The following RHBDD1 variants were observed in gnomAD, a reference collection of about 807,000 sequenced individuals.
RHBDD1 encodes the protein rhomboid domain containing 1, also known as rhomboid-related protein 4.
RHBDD1 carries 38 observed loss-of-function variants against 36.3 expected under a neutral mutation model. The ratio of observed to expected loss-of-function variants is 1.05; its 90% CI spans 0.81 to 1.37. The LOEUF is 1.37. Among genes scored for constraint, RHBDD1 ranks in the 40% most tolerant of loss-of-function variants. The probability of loss-of-function intolerance (pLI) is 0.00; values close to 1 mark genes in which losing one functional copy is unlikely to be tolerated. For synonymous variants in RHBDD1, 151 were observed against 136.5 expected, an observed-to-expected ratio of 1.11 and a Z score of -0.74; for missense variants, 393 against 377.6, an observed-to-expected ratio of 1.04 and a Z score of -0.34.
At chr2:226,810,689 A>G in the RHBDD1 span, among the ~76,000 whole-genome samples, 1 of 152,168 alleles carries the variant, frequency 6.6e-6, no homozygotes, top group South Asian at 2.1e-4. Context: ...AGGGGGAAGA[A>G]GAAGAGGGCT....
At chr2:226,837,661 C>T (rs1416129014) in intron 1 of RHBDD1, 1 of 152,164 alleles carries the variant, frequency 6.6e-6, no homozygotes, top group Non-Finnish European at 1.5e-5. Flanking sequence ...CTCAGCTTCC[C>T]AGGTAGCTGG....
At chr2:226,904,977 C>A (rs2125626646) in intron 5 of RHBDD1, among the ~76,000 whole-genome samples, 1 of 152,204 alleles carries the variant, frequency 6.6e-6, no homozygotes, top group South Asian at 2.1e-4. Context: ...ATTTACTCAA[C>A]ATATCCTTGA....
chr2:226,837,427 A>G (rs565392865), intron 1 of RHBDD1: 9 of 152,270 alleles, frequency 5.9e-5, no homozygotes, highest in African/African-American at 2.2e-4. Flanking sequence ...GATGCAGGAT[A>G]TTCAGTTAAA....
chr2:226,949,194 T>C (rs549189563), intron 8 of RHBDD1, among the ~76,000 whole-genome samples: 4 of 152,330 alleles, frequency 2.6e-5, no homozygotes, highest in Admixed American at 6.5e-5. Flanking sequence ...AAAATGGCCA[T>C]ACTGCCCAAA....
chr2:226,963,485 A>G (rs1449250008), intron 8 of RHBDD1, among the ~76,000 whole-genome samples: 5 of 152,136 alleles, frequency 3.3e-5, no homozygotes, highest in Non-Finnish European at 7.4e-5. Context: ...TAACATTTGA[A>G]GTTTTGACTA....
At chr2:226,948,389 G>C (rs1403745392) in intron 8 of RHBDD1, among the ~76,000 whole-genome samples, 6 of 144,314 alleles carry the variant, frequency 4.2e-5, no homozygotes, top group African/African-American at 1.5e-4. Context: ...GACACAGGAA[G>C]GGGAATATCA....
At chr2:226,913,340 G>GA (rs539023927) in intron 7 of RHBDD1, among the ~76,000 whole-genome samples, 9 of 152,234 alleles carry the variant, frequency 5.9e-5, no homozygotes, top group African/African-American at 1.9e-4. Context: ...GGAAAGAAGA[G>GA]AAAAAATCAA....
chr2:226,895,409 C>G (rs775528234), intron 5 of RHBDD1, among the ~76,000 whole-genome samples: 8 of 152,050 alleles, frequency 5.3e-5, no homozygotes, highest in Non-Finnish European at 1.2e-4. Context: ...AGGGGTGTTG[C>G]AGAGAAGATG....
At chr2:226,814,558 T>C in the RHBDD1 span, among the ~76,000 whole-genome samples, 4 of 152,140 alleles carry the variant, frequency 2.6e-5, no homozygotes, top group Non-Finnish European at 5.9e-5. Flanking sequence ...GTTAGGAGTC[T>C]GTTTCAATAG....
At chr2:226,867,377 A>T in intron 5 of RHBDD1, 59 bp downstream of exon 5, 1 of 1,539,110 alleles carries the variant, frequency 6.5e-7, no homozygotes, top group South Asian at 1.2e-5. Context: ...GGAGAAAAAA[A>T]TTGCAATAAT....
At chr2:226,835,786 T>C (rs1001072144), upstream of RHBDD1, 2 of 152,296 alleles carry the variant, frequency 1.3e-5, no homozygotes, top group Non-Finnish European at 2.9e-5. Flanking sequence ...AGGAATATTA[T>C]CCACATTTCA....
chr2:226,937,538 C>G (rs562882897), intron 8 of RHBDD1, among the ~76,000 whole-genome samples: 2 of 152,016 alleles, frequency 1.3e-5, no homozygotes, highest in East Asian at 3.9e-4. Context: ...ATTTTACCAC[C>G]CAGGTATTAA....
At chr2:226,924,448 T>G (rs558571046) in intron 8 of RHBDD1, among the ~76,000 whole-genome samples, 2 of 152,246 alleles carry the variant, frequency 1.3e-5, no homozygotes, top group South Asian at 4.1e-4. Flanking sequence ...AATAGTCTCT[T>G]CCAGAGCTGC....
intron 5 of RHBDD1, among the ~76,000 whole-genome samples, chr2:226,892,176 C>G (rs556337719): frequency 1.8e-4 from 27 of 152,348 alleles, no homozygotes; most frequent in African/African-American, 6.0e-4. Context: ...CATTTCTATG[C>G]TGTTTGTTTA....
intron 3 of RHBDD1, among the ~76,000 whole-genome samples, chr2:226,845,977 G>A (rs1259032047): frequency 1.3e-5 from 2 of 152,220 alleles, no homozygotes; most frequent in Non-Finnish European, 1.5e-5. Context: ...CTGTCTGAAA[G>A]TGAAACATGC....
intron 4 of RHBDD1, among the ~76,000 whole-genome samples, chr2:226,866,080 A>AT (rs914586031): frequency 1.5e-4 from 21 of 137,380 alleles, no homozygotes; most frequent in Non-Finnish European, 2.6e-4. Context: ...TTATTTATTT[A>AT]TTTTTTTTGA....
chr2:226,868,977 T>A (rs1944563327), intron 5 of RHBDD1, among the ~76,000 whole-genome samples: 1 of 152,256 alleles, frequency 6.6e-6, no homozygotes, highest in South Asian at 2.1e-4. Flanking sequence ...GTTCTCTGTG[T>A]CAATGATAGG....
the RHBDD1 span, among the ~76,000 whole-genome samples, chr2:226,809,213 T>G: frequency 6.6e-6 from 1 of 152,180 alleles, no homozygotes; most frequent in Non-Finnish European, 1.5e-5. Flanking sequence ...CCAGTAAAGT[T>G]GCTCTCTTTT....
chr2:226,892,087 C>T (rs1309896731), intron 5 of RHBDD1, among the ~76,000 whole-genome samples: 1 of 152,182 alleles, frequency 6.6e-6, no homozygotes, highest in African/African-American at 2.4e-5. Context: ...GACTTTTGTT[C>T]ACAAATGTTC....
Sources: allele counts gnomAD v4.1 joint callset (sites outside exome capture counted in the v4.1 genomes callset), GRCh38; gene constraint gnomAD v4.1.1; transcripts MANE v1.5; gene names NCBI Gene and HGNC (gene_info 2026-07-23, HGNC 2026-07-21).